The following SPTLC3 variants were observed in gnomAD, a reference collection of about 807,000 sequenced individuals.
SPTLC3 encodes the protein serine palmitoyltransferase long chain base subunit 3.
SPTLC3 carries 36 observed loss-of-function variants against 59.3 expected under a neutral mutation model. That is an observed-to-expected ratio of 0.61 (90% CI 0.47 to 0.80). The LOEUF (loss-of-function observed/expected upper bound fraction) is 0.80, where lower values mean the gene tolerates loss of function less well. Among genes scored for constraint, SPTLC3 ranks in the 30% least tolerant of loss-of-function variants. The pLI is 0.00. For missense variants in SPTLC3, 625 were observed against 685.1 expected (o/e 0.91, Z 0.98); for synonymous variants, 257 against 240.8 (o/e 1.07, Z -0.62).
chr20:13,130,328 C>T (rs571582284), intron 9 of SPTLC3, among the ~76,000 whole-genome samples: 2 of 152,312 alleles, frequency 1.3e-5, no homozygotes, highest in Admixed American at 6.5e-5. Flanking sequence ...AAAGAGAAGC[C>T]GGGCTCTGAG....
chr20:13,057,597 A>T (rs1171337053), intron 2 of SPTLC3, among the ~76,000 whole-genome samples: 1 of 152,194 alleles, frequency 6.6e-6, no homozygotes, highest in Non-Finnish European at 1.5e-5. Flanking sequence ...TATCTGAATC[A>T]CTTGAGTATT....
chr20:13,154,233 GGTGA>G, intron 10 of SPTLC3, 95 bp downstream of exon 10: 2 of 1,492,020 alleles, frequency 1.3e-6, no homozygotes, highest in Non-Finnish European at 1.8e-6. Context: ...TCTGGAATGG[GGTGA>G]GTGAGTTCAG....
At chr20:13,108,204 T>C (rs1990013756) in intron 6 of SPTLC3, among the ~76,000 whole-genome samples, 1 of 152,218 alleles carries the variant, frequency 6.6e-6, no homozygotes, top group Non-Finnish European at 1.5e-5. Flanking sequence ...CTCCAAGTCA[T>C]AGGAAGTCAC....
intron 1 of SPTLC3, 61 bp from the exon 2 acceptor site, chr20:13,048,883 AG>A: frequency 7.3e-7 from 1 of 1,377,432 alleles, no homozygotes; most frequent in Non-Finnish European, 9.7e-7. Flanking sequence ...TCACAATTTT[AG>A]GTATCATAGT....
rs1035679491 is a variant in SPTLC3, at chr20:13,105,257, C to G, written c.827-4855C>G. Reference sequence around the variant, plus strand: ...TTCTAAGAGGTCGGAGAGTTCATCCCCTGCAGGAGGAAAAAAAAAATGGCT... The same window carrying G: ...TTCTAAGAGGTCGGAGAGTTCATCCGCTGCAGGAGGAAAAAAAAAATGGCT... On this transcript the variant is annotated intron_variant, in intron 6 of 11. Transcript: ENST00000399002. Among the ~76,000 whole-genome samples, 13 of 141,586 alleles carry G rather than the reference C, an allele frequency of 9.2e-5. No homozygotes were observed. The East Asian group carries it at 2.5e-3, about 27-fold the overall frequency. The allele number at this position is 141,586 out of a possible 152,430, so 92.9% of individuals were successfully genotyped here. A position where few individuals can be genotyped will look rare whatever the true frequency, so the allele number is the denominator to read the frequency against.
intron 11 of SPTLC3, chr20:13,164,243 G>A (rs2038953046): frequency 4.7e-6 from 2 of 429,588 alleles, no homozygotes; most frequent in African/African-American, 4.1e-5. Context: ...TTAAGTTCTA[G>A]TATTTTCTGG....
intron 6 of SPTLC3, among the ~76,000 whole-genome samples, chr20:13,105,161 T>C (rs1266316804): frequency 3.9e-5 from 6 of 152,138 alleles, no homozygotes; most frequent in African/African-American, 1.2e-4. Flanking sequence ...GAGAGGAACA[T>C]GCCAGGGGCT....
chr20:13,062,714 G>A (rs1250231174), intron 2 of SPTLC3, among the ~76,000 whole-genome samples: 4 of 152,056 alleles, frequency 2.6e-5, no homozygotes, highest in Non-Finnish European at 1.5e-5. Context: ...GTCCTTTATG[G>A]GATCACATCA....
intron 6 of SPTLC3, among the ~76,000 whole-genome samples, chr20:13,106,290 C>T (rs967352763): frequency 2.0e-5 from 3 of 152,118 alleles, no homozygotes; most frequent in Non-Finnish European, 4.4e-5. Context: ...GAGCCTAGTA[C>T]TGTGTACTAA....
At chr20:13,023,308 C>T (rs1195029268) in intron 1 of SPTLC3, among the ~76,000 whole-genome samples, 3 of 151,240 alleles carry the variant, frequency 2.0e-5, no homozygotes, top group Non-Finnish European at 2.9e-5. Context: ...TATACCTACA[C>T]ACATAAACAC....
At chr20:13,071,459 GA>G (rs1988432403) in intron 2 of SPTLC3, among the ~76,000 whole-genome samples, 2 of 152,102 alleles carry the variant, frequency 1.3e-5, no homozygotes, top group Non-Finnish European at 2.9e-5. Flanking sequence ...TGATGCAGAT[GA>G]TTTTGATGTT....
intron 2 of SPTLC3, among the ~76,000 whole-genome samples, chr20:13,069,972 TATAA>T (rs1341732423): frequency 6.6e-6 from 1 of 152,116 alleles, no homozygotes; most frequent in Non-Finnish European, 1.5e-5. Context: ...CTTTTAAAAT[TATAA>T]ATAGAGAAAC....
chr20:13,071,201 T>C (rs1166311000), intron 2 of SPTLC3, among the ~76,000 whole-genome samples: 1 of 152,232 alleles, frequency 6.6e-6, no homozygotes, highest in African/African-American at 2.4e-5. Flanking sequence ...ACTATTAATA[T>C]CTCACTTGTA....
At position 13,072,296 on chromosome 20, in the gene SPTLC3, C is replaced by T. The variant is rs1403338122; in HGVS notation, c.344C>T (p.Thr115Ile). 5 of 1,613,794 alleles carry T rather than the reference C, an allele frequency of 3.1e-6. No homozygotes were observed. In the Admixed American group the frequency reaches 5.0e-5, roughly 16 times the overall value. ...TATCAAGACTTTGAAAATTTTTATA[C>T]AAGAAACCTTTACATGCGAATCAGA... ...PLYQDFENFY[T>I]RNLYMRIRDN... Residue 115 changes from threonine (T) to isoleucine (I), a missense_variant, in exon 3 of 12, where the codon ACA (threonine) becomes ATA (isoleucine). Physicochemically the swap from Thr to Ile is moderately conservative, Grantham distance 89 (BLOSUM62 -1). Transcript: ENST00000399002.
intron 9 of SPTLC3, among the ~76,000 whole-genome samples, chr20:13,131,016 A>G (rs2038107562): frequency 6.6e-6 from 1 of 152,202 alleles, no homozygotes; most frequent in Non-Finnish European, 1.5e-5. Flanking sequence ...GGGATCACTC[A>G]GTGATTGAAG....
At chr20:13,102,029 A>G (rs1203239276) in intron 6 of SPTLC3, among the ~76,000 whole-genome samples, 1 of 152,218 alleles carries the variant, frequency 6.6e-6, no homozygotes, top group African/African-American at 2.4e-5. Context: ...GAAAAAGTGG[A>G]AAGGAAGAAC....
intron 4 of SPTLC3, among the ~76,000 whole-genome samples, chr20:13,089,534 C>A (rs1251294063): frequency 2.0e-5 from 3 of 151,972 alleles, no homozygotes; most frequent in Non-Finnish European, 4.4e-5. Flanking sequence ...GCCTGTAATC[C>A]CAGCACTTTG....
At chr20:13,011,596 G>A (rs948933834) in intron 1 of SPTLC3, among the ~76,000 whole-genome samples, 2 of 152,142 alleles carry the variant, frequency 1.3e-5, no homozygotes, top group African/African-American at 4.8e-5. Context: ...CTGGTCCAGC[G>A]TAGGCTGCCA....
At chr20:13,086,941 C>T (rs1989023904) in intron 4 of SPTLC3, among the ~76,000 whole-genome samples, 1 of 152,078 alleles carries the variant, frequency 6.6e-6, no homozygotes, top group African/African-American at 2.4e-5. Context: ...AGGTGCATAC[C>T]ACCATGCCCA....
Sources: allele counts gnomAD v4.1 joint callset (sites outside exome capture counted in the v4.1 genomes callset), GRCh38; gene constraint gnomAD v4.1.1; transcripts MANE v1.5; gene names NCBI Gene and HGNC (gene_info 2026-07-23, HGNC 2026-07-21).